Variants in ZMYM3 observed in about 807,000 individuals in gnomAD.
ZMYM3 encodes the protein zinc finger MYM-type protein 3.
Under a neutral mutation model 94.2 loss-of-function variants are expected in ZMYM3, and 6 were observed. The observed-to-expected ratio is 0.06, with a 90% CI of 0.03 to 0.13. ZMYM3 has a LOEUF of 0.13. Ranked by LOEUF, ZMYM3 falls within the 10% of genes least tolerant of loss-of-function variation. ZMYM3 has a pLI of 1.00. For synonymous variants in ZMYM3, 420 were observed against 426.5 expected, an observed-to-expected ratio of 0.98 and a Z score of 0.19; for missense variants, 664 against 1,132.6, an observed-to-expected ratio of 0.59 and a Z score of 5.94.
At chrX:71,244,105 G>A (rs1374834387) in intron 20 of ZMYM3, 125 bp from the exon 21 acceptor site, 10 of 997,471 alleles carry the variant, frequency 1.0e-5, no homozygotes, top group Admixed American at 3.1e-5. Context: ...ATTACAGAAA[G>A]AGCCCCTAAC....
At position 71,243,041 on chromosome X, in the gene ZMYM3, A is replaced by G. The variant is rs780796798; in HGVS notation, c.3476T>C (p.Leu1159Pro). Residue 1159 changes from leucine to proline, a missense_variant, in exon 22 of 25, where the codon CTT becomes CCT. Physicochemically the swap from Leu to Pro is moderately conservative, Grantham distance 98. This residue lies in a region of ZMYM3 where 19 missense variants were observed against 123.7 expected (regional missense o/e 0.15). Transcript: ENST00000314425. Reference sequence around the variant, plus strand: ...TTCTTGAACAAAAGTCAGGTAGTAAAGGTCCGTGAAAATGTTCACCATCCG... The same window carrying G: ...TTCTTGAACAAAAGTCAGGTAGTAAGGGTCCGTGAAAATGTTCACCATCCG... ...NNRMVNIFTD[L>P]YYLTFVQELN... 1.7e-6 allele frequency: 2 copies of G among 1,209,862 alleles called. No individual in the cohort carries two copies. The highest frequency in any genetic ancestry group is 3.5e-5 in the African/African-American group (2 of 57,118).
At chrX:71,251,438 C>T in intron 3 of ZMYM3, 120 bp downstream of exon 3, 1 of 995,529 alleles carries the variant, frequency 1.0e-6, no homozygotes, top group Non-Finnish European at 1.4e-6. Context: ...TGCTCCCTCC[C>T]TCCTCCTAAC....
chrX:71,248,372 A>C, intron 10 of ZMYM3, 60 bp from the exon 11 acceptor site: 1 of 1,192,521 alleles, frequency 8.4e-7, no homozygotes, highest in Non-Finnish European at 1.1e-6. Context: ...AGCAGGGGCC[A>C]AGTGGAAGGA....
chrX:71,242,427 A>G lies in ZMYM3; in HGVS notation c.3548-3T>C. 8.3e-7 allele frequency: 1 copy of G among 1,209,965 alleles called. No homozygotes were observed. The highest frequency in any genetic ancestry group is 1.1e-6 in the Non-Finnish European group (1 of 894,337). On this transcript the variant is annotated splice_polypyrimidine_tract_variant and splice_region_variant and intron_variant, in intron 22 of 24. Transcript: ENST00000314425. The stretch of plus-strand genomic sequence containing the variant: ...CTCCACTCGAGAGAACACCGTATCT[A>G]CAATGGTCAAGGGGGAGAGGCCAGT...
chrX:71,249,419 C>T (rs1427404822), intron 7 of ZMYM3, 42 bp downstream of exon 7: 2 of 1,166,611 alleles, frequency 1.7e-6, no homozygotes, highest in Non-Finnish European at 1.1e-6. Flanking sequence ...AGAACCACAC[C>T]CCCTTCCACA....
Position 71,246,782 on chromosome X carries a change from A to G in ZMYM3, c.2315-90T>C, listed in dbSNP as rs2030199237. The G allele has an allele frequency of 8.2e-6, 7 of 852,191 alleles. No individual in the cohort carries two copies. In the Admixed American group the frequency reaches 2.3e-4, roughly 28 times the overall value. 70.2% of individuals were successfully genotyped at this position (852,191 alleles called of 1,213,427 possible). A position where few individuals can be genotyped will look rare whatever the true frequency, so the allele number is the denominator to read the frequency against. On this transcript the variant is annotated intron_variant, in intron 13 of 24. Coordinates refer to ENST00000314425, the MANE Select transcript of ZMYM3 (RefSeq NM_201599.3). ...TTCCAGGAGAGCTTCATTAACAGGTACACCAAATACAGATGGGAACTTCTA... is the reference window on the plus strand; with the variant it reads ...TTCCAGGAGAGCTTCATTAACAGGTGCACCAAATACAGATGGGAACTTCTA...
chrX:71,244,533 T>C, intron 19 of ZMYM3, 63 bp from the exon 20 acceptor site: 1 of 1,151,964 alleles, frequency 8.7e-7, no homozygotes, highest in Non-Finnish European at 1.2e-6. Flanking sequence ...TGAAAGCTAG[T>C]CAGCACCATA....
At chrX:71,247,979 G>C in intron 11 of ZMYM3, 73 bp from the exon 12 acceptor site, 3 of 1,109,609 alleles carry the variant, frequency 2.7e-6, no homozygotes, top group African/African-American at 1.8e-5. Flanking sequence ...ACCTTTTCAA[G>C]GTGCTATACC....
At position 71,253,118 on chromosome X, in the gene ZMYM3, G is replaced by C. The variant is rs1371644950; in HGVS notation, c.138C>G (p.Ala46=). 4 of 1,203,216 alleles carry C rather than the reference G, an allele frequency of 3.3e-6. No homozygotes were observed. In the African/African-American group the frequency reaches 7.0e-5, roughly 21 times the overall value. ...CCGAGGATGGAGAAGGGCCAGGGGG[G>C]GCCCATCCTCGAGTTGGGGCAGTCT... ...ESQTAPTRGW[A]PPGPSPSSGA... The change falls in exon 2 of 25, where the codon GCC becomes GCG. Residue 46 remains alanine, a synonymous_variant. Transcript: ENST00000314425.
chrX:71,241,949 A>T (rs2029964890), intron 23 of ZMYM3, among the ~76,000 whole-genome samples: 1 of 111,844 alleles, frequency 8.9e-6, no homozygotes, highest in African/African-American at 3.3e-5. Context: ...AAATGAGGAA[A>T]GAGGGGAAAC....
intron 13 of ZMYM3, among the ~76,000 whole-genome samples, 175 bp from the exon 14 acceptor site, chrX:71,246,867 T>C (rs1476384973): frequency 1.8e-5 from 2 of 111,752 alleles, no homozygotes; most frequent in Non-Finnish European, 3.8e-5. Flanking sequence ...AATAGCAGCC[T>C]AAAAGATTAT....
At position 71,253,151 on chromosome X, in the gene ZMYM3, C is replaced by T; in HGVS notation, c.105G>A (p.Leu35=). The change falls in exon 2 of 25, where the codon CTG becomes CTA. Residue 35 remains leucine (L), a synonymous_variant. Coordinates refer to ENST00000314425, the MANE Select transcript of ZMYM3 (RefSeq NM_201599.3). The stretch of plus-strand genomic sequence containing the variant: ...CTCGAGTTGGGGCAGTCTGGGATTC[C>T]AGTAGATCCTCTCCAAATTCCATGT... ...PVDMEFGEDL[L]ESQTAPTRGW... 1 of 1,205,568 alleles carries T rather than the reference C, an allele frequency of 8.3e-7. No homozygotes were observed. The highest frequency in any genetic ancestry group is 1.1e-6 in the Non-Finnish European group (1 of 892,375).
chrX:71,249,710 G>C (rs763384948), intron 6 of ZMYM3, 31 bp from the exon 7 acceptor site: 10 of 1,196,500 alleles, frequency 8.4e-6, no homozygotes, highest in South Asian at 5.5e-5. Context: ...CCCTGAGCTA[G>C]GGCCTGGCCA....
At chrX:71,249,794 A>G in intron 6 of ZMYM3, 115 bp from the exon 7 acceptor site, 1 of 1,102,598 alleles carries the variant, frequency 9.1e-7, no homozygotes, top group South Asian at 2.3e-5. Flanking sequence ...GGGCCCAGGG[A>G]CCCCCCAACC....
chrX:71,246,341 A>T lies in ZMYM3; in HGVS notation c.2572+12T>A, dbSNP rs776926440. The T allele has an allele frequency of 3.3e-6, 4 of 1,210,344 alleles. No homozygotes were observed. The highest frequency in any genetic ancestry group is 4.5e-6 in the Non-Finnish European group (4 of 895,097). On this transcript the variant is annotated intron_variant, in intron 15 of 24. Transcript: ENST00000314425. ...GGAATACAGCCTGTGGCATCGAGGT[A>T]CCCTGGCTCACCTGTTTGACTTCCT...
chrX:71,241,199 C>G, intron 24 of ZMYM3, 28 bp downstream of exon 24: 7 of 1,188,860 alleles, frequency 5.9e-6, no homozygotes, highest in Non-Finnish European at 8.0e-6. Flanking sequence ...CCCATGCTAA[C>G]GCTTTTCCTG....
At chrX:71,243,356 G>C (rs1291712449) in intron 21 of ZMYM3, among the ~76,000 whole-genome samples, 1 of 110,998 alleles carries the variant, frequency 9.0e-6, no homozygotes, top group African/African-American at 3.3e-5. Context: ...CTCCCAGGGG[G>C]AACTAAACAT....
chrX:71,242,705 T>G (rs948683495), intron 22 of ZMYM3, among the ~76,000 whole-genome samples: 3 of 112,136 alleles, frequency 2.7e-5, no homozygotes, highest in Non-Finnish European at 5.6e-5. Context: ...TTTCTTGCTT[T>G]CTTTCTTTAC....
rs1222730186 is a variant in ZMYM3 at position 71,244,482 on chromosome X, G to A, written c.3112-12C>T. On this transcript the variant is annotated splice_polypyrimidine_tract_variant and intron_variant, in intron 19 of 24. Transcript: ENST00000314425. ...AGCCGCTTTTGACCCTGGAGGGGAA[G>A]AGAAAGCAGGGGCATGGCAGAGGTA... The A allele has an allele frequency of 2.5e-6, 3 of 1,207,029 alleles. No homozygotes were observed. Among genetic ancestry groups the A allele is most frequent in the Non-Finnish European group, 3.4e-6 (3 of 893,641 alleles).
Sources: allele counts gnomAD v4.1 joint callset (sites outside exome capture counted in the v4.1 genomes callset), GRCh38; gene constraint gnomAD v4.1.1; regional missense constraint gnomAD v4.1.1; transcripts MANE v1.5; gene names NCBI Gene and HGNC (gene_info 2026-07-23, HGNC 2026-07-21).